Variants in CFAP91 observed in about 807,000 individuals in gnomAD.
The protein encoded by CFAP91 is cilia and flagella associated protein 91.
Under a neutral mutation model 95.9 loss-of-function variants are expected in CFAP91, and 85 were observed. The observed-to-expected ratio is 0.89, with a 90% confidence interval of 0.74 to 1.06. The LOEUF (loss-of-function observed/expected upper bound fraction) is 1.06. CFAP91 is among the 50% of genes least tolerant of loss of function. CFAP91 has a pLI of 0.00. For missense variants in CFAP91, 962 were observed against 943.4 expected (o/e 1.02, Z -0.26); for synonymous variants, 335 against 327.5 (o/e 1.02, Z -0.25).
intron 7 of CFAP91, among the ~76,000 whole-genome samples, chr3:119,728,175 TGAA>T (rs1165020032): frequency 2.0e-5 from 3 of 152,150 alleles, no homozygotes; most frequent in Admixed American, 6.5e-5. Flanking sequence ...TGATATCAGA[TGAA>T]GAAGAAGATA....
chr3:119,703,181 G>T lies in CFAP91; in HGVS notation c.83G>T (p.Gly28Val). 6.2e-7 allele frequency: 1 copy of T among 1,610,388 alleles called. No homozygotes were observed. The highest frequency in any genetic ancestry group is 8.5e-7 in the Non-Finnish European group (1 of 1,178,338). ...QTRYRERSRA[G>V]SHISSNRAYD... is the part of the protein sequence containing the mutation. Reference sequence around the variant, plus strand: ...CGGTACCGGGAGAGGTCGCGGGCTGGGAGCCACATCTCCTCCAATCGAGCG... The same window carrying T: ...CGGTACCGGGAGAGGTCGCGGGCTGTGAGCCACATCTCCTCCAATCGAGCG... The change falls in exon 1 of 18, where the codon GGG becomes GTG. Residue 28 changes from glycine (G) to valine (V), a missense_variant. Transcript: ENST00000273390.
At position 119,747,819 on chromosome 3, in the gene CFAP91, A is replaced by G. The variant is rs779205430; in HGVS notation, c.2060A>G (p.Tyr687Cys). 1.2e-5 allele frequency: 20 copies of G among 1,612,306 alleles called. No homozygotes were observed. Among genetic ancestry groups the G allele is most frequent in the Non-Finnish European group, 1.5e-5 (18 of 1,179,366 alleles). The change falls in exon 16 of 18, where the codon TAT becomes TGT. Residue 687 changes from tyrosine to cysteine, a missense_variant. Coordinates refer to ENST00000273390, the MANE Select transcript of CFAP91 (RefSeq NM_033364.4). ...TGTTTTATATTTTTTAGCCGAACCTATCTTCAGTCAGAGGAGATTGTTGCT... is the reference window on the plus strand; with the variant it reads ...TGTTTTATATTTTTTAGCCGAACCTGTCTTCAGTCAGAGGAGATTGTTGCT... ...IAYEMESRRTYLQSEEIVAEL... is the reference protein window; with the variant it reads ...IAYEMESRRTCLQSEEIVAEL...
At chr3:119,735,629 CT>C (rs1260827142) in intron 10 of CFAP91, among the ~76,000 whole-genome samples, 33 of 152,228 alleles carry the variant, frequency 2.2e-4, no homozygotes, top group South Asian at 6.2e-4. Context: ...TTTCATGAGG[CT>C]TGCTTTGTGG....
At chr3:119,744,340 G>A in intron 14 of CFAP91, 144 bp downstream of exon 14, 1 of 620,754 alleles carries the variant, frequency 1.6e-6, no homozygotes, top group Non-Finnish European at 2.7e-6. Flanking sequence ...GAGGCACTGT[G>A]GGAAACTTTG....
chr3:119,751,037 T>G lies in CFAP91; in HGVS notation c.2244T>G (p.Asp748Glu). The G allele has an allele frequency of 6.2e-7, 1 of 1,613,782 alleles. No individual in the cohort carries two copies. Among genetic ancestry groups the G allele is most frequent in the Non-Finnish European group, 8.5e-7 (1 of 1,179,848 alleles). ...VQKKLTEGEQ[D>E]EASNAAMLLE... is the part of the protein sequence containing the mutation. ...AGAAATTAACTGAGGGAGAGCAAGA[T>G]GAGGCCTCAAATGCTGCCATGTTAC... Residue 748 changes from aspartate to glutamate, a missense_variant, in exon 17 of 18, where the codon GAT (aspartate) becomes GAG (glutamate). Physicochemically the swap from Asp to Glu is conservative, Grantham distance 45. Transcript: ENST00000273390.
intron 14 of CFAP91, 81 bp downstream of exon 14, chr3:119,744,277 C>A: frequency 8.5e-7 from 1 of 1,170,366 alleles, no homozygotes; most frequent in Non-Finnish European, 1.2e-6. Flanking sequence ...CATAAAATGG[C>A]ATTTGGCTTT....
At chr3:119,730,406 G>A (rs745490770) in intron 8 of CFAP91, 29 bp downstream of exon 8, 10 of 1,593,514 alleles carry the variant, frequency 6.3e-6, no homozygotes, top group East Asian at 2.3e-5. Flanking sequence ...CAATGAAGAC[G>A]GTGGAAAAGT....
At chr3:119,708,560 A>G (rs1347613571) in intron 3 of CFAP91, 31 bp from the exon 4 acceptor site, 1 of 1,381,098 alleles carries the variant, frequency 7.2e-7, no homozygotes, top group Non-Finnish European at 1.0e-6. Flanking sequence ...AATATTTTAG[A>G]CTTGAATAAT....
Position 119,732,397 on chromosome 3 carries a change from T to A in CFAP91, c.1122T>A (p.Pro374=), listed in dbSNP as rs140246285. Residue 374 remains proline, a synonymous_variant, in exon 9 of 18, where the codon CCT becomes CCA. Coordinates refer to ENST00000273390, the MANE Select transcript of CFAP91 (RefSeq NM_033364.4). ...YSDYASQVYG[P]LSRLGCFPDN... ...ATTATGCATCACAGGTCTATGGACC[T>A]CTGTCTCGTCTTGGGTGTTTCCCAG... The A allele has an allele frequency of 4.7e-4, 756 of 1,613,290 alleles. 1 individual carries two copies. Among genetic ancestry groups the A allele is most frequent in the Non-Finnish European group, 5.8e-4 (688 of 1,179,530 alleles).
intron 7 of CFAP91, among the ~76,000 whole-genome samples, chr3:119,729,414 A>G (rs962682684): frequency 3.9e-5 from 6 of 152,104 alleles, no homozygotes; most frequent in Non-Finnish European, 7.4e-5. Context: ...TGGGAAGCCA[A>G]GGTGGGATCA....
At chr3:119,752,521 G>C (rs2054344259) in intron 17 of CFAP91, 1 of 152,108 alleles carries the variant, frequency 6.6e-6, no homozygotes, top group Non-Finnish European at 1.5e-5. Flanking sequence ...TACATGTAAT[G>C]TTATATATTG....
chr3:119,706,774 C>T, intron 1 of CFAP91, 35 bp from the exon 2 acceptor site: 2 of 1,489,954 alleles, frequency 1.3e-6, no homozygotes, highest in Non-Finnish European at 1.9e-6. Context: ...TAGATATGTT[C>T]TATCTGTTAT....
At position 119,708,652 on chromosome 3, in the gene CFAP91, A is replaced by C. The variant is rs748378830; in HGVS notation, c.421A>C (p.Asn141His). ...VYEDPEVTGK[N>H]RYKYFERPFL... ...TGAAGATCCTGAAGTTACTGGAAAG[A>C]ATCGCTATAAATACTTTGAAAGGTA... The change falls in exon 4 of 18, where the codon AAT becomes CAT. Residue 141 changes from asparagine (N) to histidine (H), a missense_variant. Asn to His is a moderately conservative substitution (Grantham distance 68). Coordinates refer to ENST00000273390, the MANE Select transcript of CFAP91 (RefSeq NM_033364.4). 1.9e-6 allele frequency: 3 copies of C among 1,594,892 alleles called. No individual in the cohort carries two copies. The highest frequency in any genetic ancestry group is 2.6e-6 in the Non-Finnish European group (3 of 1,166,260).
intron 14 of CFAP91, among the ~76,000 whole-genome samples, chr3:119,746,232 C>A (rs2054216800): frequency 6.6e-6 from 1 of 152,212 alleles, no homozygotes; most frequent in South Asian, 2.1e-4. Flanking sequence ...TTCTGAGATA[C>A]TGGCAGTTAC....
intron 1 of CFAP91, 82 bp downstream of exon 1, chr3:119,703,304 G>T (rs1193736571): frequency 6.4e-7 from 1 of 1,568,864 alleles, no homozygotes; most frequent in African/African-American, 1.4e-5. Flanking sequence ...CTGGCCAGGG[G>T]CATGGCGAAC....
intron 17 of CFAP91, among the ~76,000 whole-genome samples, chr3:119,753,390 A>G (rs1258424824): frequency 6.6e-6 from 1 of 152,192 alleles, no homozygotes; most frequent in East Asian, 1.9e-4. Context: ...TTTAGCTTCT[A>G]ATCATCTGAG....
At position 119,715,838 on chromosome 3, in the gene CFAP91, A is replaced by G. The variant is rs565979983; in HGVS notation, c.682+95A>G. ...CCATGTACAGGCAATTGTGGTTTAC[A>G]GTGTTGCTATATAAAGTGTCTTAGT... is the stretch of plus-strand genomic sequence containing the variant. On this transcript the variant is annotated intron_variant, in intron 6 of 17. Transcript: ENST00000273390. 132 of 1,128,252 alleles carry G rather than the reference A, an allele frequency of 1.2e-4. No individual in the cohort carries two copies. In the African/African-American group the frequency reaches 1.7e-3, roughly 15 times the overall value. 69.9% of individuals were successfully genotyped at this position (1,128,252 alleles called of 1,614,324 possible).
intron 9 of CFAP91, among the ~76,000 whole-genome samples, chr3:119,732,892 T>A: frequency 6.6e-6 from 1 of 152,360 alleles, no homozygotes. Context: ...ATACCTCTTA[T>A]GAAGTTCAAA....
Position 119,708,583 on chromosome 3 carries a change from C to T in CFAP91, c.360-8C>T, listed in dbSNP as rs1350191969. The stretch of plus-strand genomic sequence containing the variant: ...AGACTTGAATAATGTTTTCTTGCTT[C>T]ATTTTAGAACTGACGCTTCTTTTCA... On this transcript the variant is annotated splice_region_variant and splice_polypyrimidine_tract_variant and intron_variant, in intron 3 of 17. Transcript: ENST00000273390. The T allele has an allele frequency of 1.3e-6, 2 of 1,570,642 alleles. No homozygotes were observed. Among genetic ancestry groups the T allele is most frequent in the African/African-American group, 2.7e-5 (2 of 73,272 alleles).
Sources: gnomAD v4.1 joint callset for allele counts (sites outside exome capture counted in the v4.1 genomes callset) on GRCh38, gnomAD v4.1.1 for gene constraint, MANE v1.5 for transcripts, NCBI Gene and HGNC (gene_info 2026-07-23, HGNC 2026-07-21) for gene names.